TEX9: variants seen among roughly 807,000 people sequenced by gnomAD.
The protein encoded by TEX9 is testis-expressed protein 9.
In TEX9, 74 loss-of-function variants were observed where a neutral mutation model predicts 59.6. That is an observed-to-expected ratio of 1.24 (90% CI 1.03 to 1.51). The LOEUF is 1.51. TEX9 is among the 40% of genes most tolerant of loss of function. The pLI is 0.00. For synonymous variants in TEX9, 186 were observed against 152.2 expected, an observed-to-expected ratio of 1.22 and a Z score of -1.64; for missense variants, 522 against 447.8, an observed-to-expected ratio of 1.17 and a Z score of -1.49.
chr15:56,416,188 C>T (rs997167239), intron 10 of TEX9, among the ~76,000 whole-genome samples: 5 of 151,736 alleles, frequency 3.3e-5, no homozygotes, highest in Non-Finnish European at 5.9e-5. Flanking sequence ...AGTTTGACTT[C>T]CTATTTGGAT....
At chr15:56,329,099 G>T (rs1258484642) in intron 1 of TEX9, among the ~76,000 whole-genome samples, 1 of 152,188 alleles carries the variant, frequency 6.6e-6, no homozygotes, top group African/African-American at 2.4e-5. Flanking sequence ...CTCTCCATTT[G>T]TTGGGGAGAA....
At chr15:56,294,838 G>T (rs1596070801) in intron 1 of TEX9, among the ~76,000 whole-genome samples, 1 of 152,124 alleles carries the variant, frequency 6.6e-6, no homozygotes, top group East Asian at 1.9e-4. Context: ...TAGGAACTGG[G>T]GTAGTATATC....
intron 1 of TEX9, among the ~76,000 whole-genome samples, chr15:56,286,296 A>G (rs2044951721): frequency 6.6e-6 from 1 of 152,182 alleles, no homozygotes; most frequent in African/African-American, 2.4e-5. Context: ...CATGTTTCAA[A>G]AGAAACATGA....
intron 1 of TEX9, among the ~76,000 whole-genome samples, chr15:56,272,143 C>CAA (rs34084962): frequency 1.7e-3 from 246 of 143,986 alleles, no homozygotes; most frequent in Non-Finnish European, 2.2e-3. Flanking sequence ...CATTCCATCT[C>CAA]AAAAAAAAAA....
chr15:56,293,043 T>C (rs1382168195), intron 1 of TEX9, among the ~76,000 whole-genome samples: 1 of 152,166 alleles, frequency 6.6e-6, no homozygotes, highest in Non-Finnish European at 1.5e-5. Context: ...GACTAAGACA[T>C]TTCCTTCTTG....
At chr15:56,333,477 T>TACA in intron 1 of TEX9, among the ~76,000 whole-genome samples, 1 of 142,264 alleles carries the variant, frequency 7.0e-6, no homozygotes, top group East Asian at 2.0e-4. Context: ...TCCTTCATGA[T>TACA]AAAAAAAAAA....
intron 9 of TEX9, among the ~76,000 whole-genome samples, chr15:56,411,985 G>A (rs1406143429): frequency 6.6e-6 from 1 of 152,144 alleles, no homozygotes; most frequent in Non-Finnish European, 1.5e-5. Flanking sequence ...GTTATAATGA[G>A]TTGTTTATAA....
At chr15:56,342,750 A>G (rs960285270) in intron 1 of TEX9, among the ~76,000 whole-genome samples, 2 of 152,180 alleles carry the variant, frequency 1.3e-5, no homozygotes, top group African/African-American at 2.4e-5. Flanking sequence ...AGTGTATTCA[A>G]GAAACTTCCT....
chr15:56,279,059 A>G (rs1393517345), intron 1 of TEX9, among the ~76,000 whole-genome samples: 1 of 152,086 alleles, frequency 6.6e-6, no homozygotes, highest in African/African-American at 2.4e-5. Context: ...GTTTGATATG[A>G]CATTTTAAAT....
intron 3 of TEX9, among the ~76,000 whole-genome samples, chr15:56,378,010 A>G (rs11071265): frequency 1.3e-5 from 2 of 152,054 alleles, no homozygotes; most frequent in Non-Finnish European, 2.9e-5. Context: ...TGTTGATATG[A>G]TATATCACAT....
chr15:56,448,751 C>CTTTT (rs34366643), downstream of TEX9, among the ~76,000 whole-genome samples: 2 of 117,678 alleles, frequency 1.7e-5, no homozygotes, highest in Non-Finnish European at 1.8e-5. Context: ...TTTTTAGATT[C>CTTTT]TTTTTTTTTT....
chr15:56,269,857 C>T (rs1252183071), intron 1 of TEX9, among the ~76,000 whole-genome samples: 4 of 151,888 alleles, frequency 2.6e-5, no homozygotes, highest in Admixed American at 6.6e-5. Flanking sequence ...GGGGTTTCAC[C>T]GTGTTAGCCA....
At chr15:56,410,204 C>A (rs1240102200) in intron 9 of TEX9, 11 of 152,114 alleles carry the variant, frequency 7.2e-5, no homozygotes, top group Non-Finnish European at 1.6e-4. Flanking sequence ...CTACCTTAGC[C>A]ACTTGTTTCT....
intron 10 of TEX9, among the ~76,000 whole-genome samples, chr15:56,422,262 TAAAATAAA>T (rs1567138880): frequency 4.0e-5 from 6 of 151,588 alleles, no homozygotes; most frequent in East Asian, 1.9e-4. Context: ...AAAAAAATAA[TAAAATAAA>T]AAAATAAAAA....
chr15:56,434,346 A>C, intron 12 of TEX9: 1 of 1,613,442 alleles, frequency 6.2e-7, no homozygotes, highest in Non-Finnish European at 8.5e-7. Context: ...TTGTTCTTCA[A>C]AATCTTGCTT....
chr15:56,284,831 C>CA (rs1253229979), intron 1 of TEX9, among the ~76,000 whole-genome samples: 1 of 152,062 alleles, frequency 6.6e-6, no homozygotes, highest in East Asian at 1.9e-4. Flanking sequence ...GTAGTGCCCC[C>CA]ATTTGGTCTC....
intron 1 of TEX9, among the ~76,000 whole-genome samples, chr15:56,252,892 T>G (rs995389109): frequency 6.6e-6 from 1 of 152,176 alleles, no homozygotes; most frequent in Non-Finnish European, 1.5e-5. Flanking sequence ...GTTGTACTGA[T>G]AATTTAATGA....
At chr15:56,345,349 G>A (rs909059264) in intron 1 of TEX9, among the ~76,000 whole-genome samples, 1 of 152,060 alleles carries the variant, frequency 6.6e-6, no homozygotes, top group African/African-American at 2.4e-5. Context: ...AAGAGGGGAA[G>A]GTTAAAAGGC....
At chr15:56,306,480 T>C (rs117005661) in intron 1 of TEX9, among the ~76,000 whole-genome samples, 6,679 of 152,194 alleles carry the variant, frequency 0.044, 220 homozygotes, top group Admixed American at 0.086. Flanking sequence ...AACTGAGGTT[T>C]ATTATGTTAA....
Sources: gnomAD v4.1 joint callset for allele counts (sites outside exome capture counted in the v4.1 genomes callset) on GRCh38, gnomAD v4.1.1 for gene constraint, MANE v1.5 for transcripts, NCBI Gene and HGNC (gene_info 2026-07-23, HGNC 2026-07-21) for gene names.